Variants in EYA4 observed in about 807,000 individuals in gnomAD.
EYA4 encodes protein phosphatase EYA4.
In EYA4, 31 loss-of-function variants were observed where a neutral mutation model predicts 87.9. The ratio of observed to expected loss-of-function variants is 0.35; its 90% CI spans 0.27 to 0.48. EYA4 has a LOEUF of 0.48. Among genes scored for constraint, EYA4 ranks in the 20% least tolerant of loss-of-function variants. The pLI is 0.99. For synonymous variants in EYA4, 263 were observed against 270.6 expected, an observed-to-expected ratio of 0.97 and a Z score of 0.28; for missense variants, 678 against 761.4, an observed-to-expected ratio of 0.89 and a Z score of 1.29.
At chr6:133,281,197 T>C (rs979271355) in intron 2 of EYA4, among the ~76,000 whole-genome samples, 74 of 109,096 alleles carry the variant, frequency 6.8e-4, no homozygotes, top group African/African-American at 2.4e-3. Flanking sequence ...TTCTGTATTC[T>C]AGATAAAAGT....
rs1392665566 is a variant in EYA4 at position 133,249,985 on chromosome 6, AGTT to A, written c.-66+8240_-66+8242del. On this transcript the variant is annotated intron_variant, in intron 1 of 19. Coordinates refer to ENST00000355286, the MANE Select transcript of EYA4 (RefSeq NM_004100.5). ...ACTGCTGGACATATAGTCAGTAGGT[AGTT>A]GTTATATTCCCATTGAATGAATGAG... is the stretch of plus-strand genomic sequence containing the variant. Among the ~76,000 whole-genome samples, 5 of 152,202 alleles carry A rather than the reference AGTT, an allele frequency of 3.3e-5. No individual in the cohort carries two copies. In the East Asian group the frequency reaches 9.6e-4, roughly 29 times the overall value.
rs2128830057 is a variant in EYA4 at position 133,530,395 on chromosome 6, C to G, written c.*1590C>G. On this transcript the variant is annotated 3_prime_UTR_variant, in exon 20 of 20. Coordinates refer to ENST00000355286, the MANE Select transcript of EYA4 (RefSeq NM_004100.5). ...CACGATACAGGTTCTCCTCTTATTT[C>G]CTATGACACGATTTCCCTTGTGGAA... 1.0e-6 allele frequency: 1 copy of G among 985,390 alleles called. No homozygotes were observed. The highest frequency in any genetic ancestry group is 1.7e-5 in the African/African-American group (1 of 57,354). 61.0% of individuals were successfully genotyped at this position (985,390 alleles called of 1,614,324 possible).
intron 1 of EYA4, among the ~76,000 whole-genome samples, chr6:133,263,261 G>A (rs113656330): frequency 4.6e-5 from 7 of 152,200 alleles, no homozygotes; most frequent in South Asian, 2.1e-4. Context: ...ATTGAAGGCC[G>A]TGAAGATAGC....
intron 3 of EYA4, among the ~76,000 whole-genome samples, chr6:133,400,740 T>C (rs1012177471): frequency 1.3e-5 from 2 of 152,284 alleles, no homozygotes; most frequent in South Asian, 4.1e-4. Flanking sequence ...ACCTTGGAGA[T>C]ATCTTAAATT....
intron 2 of EYA4, among the ~76,000 whole-genome samples, chr6:133,377,475 C>T (rs1205107872): frequency 1.3e-5 from 2 of 151,214 alleles, no homozygotes; most frequent in African/African-American, 4.9e-5. Flanking sequence ...CCTCGGATAT[C>T]TCAGGCATTC....
chr6:133,373,493 T>C (rs972745977), intron 2 of EYA4, among the ~76,000 whole-genome samples: 3 of 152,096 alleles, frequency 2.0e-5, no homozygotes, highest in Admixed American at 6.6e-5. Flanking sequence ...GTTTCTGATA[T>C]GTAATACTGC....
At chr6:133,362,545 G>A (rs748994176) in intron 2 of EYA4, among the ~76,000 whole-genome samples, 16 of 152,132 alleles carry the variant, frequency 1.1e-4, no homozygotes, top group Non-Finnish European at 2.2e-4. Flanking sequence ...AATTGAAACA[G>A]ACTCCTTAAA....
intron 2 of EYA4, among the ~76,000 whole-genome samples, chr6:133,347,919 C>T (rs536424519): frequency 1.3e-5 from 2 of 152,212 alleles, no homozygotes; most frequent in East Asian, 1.9e-4. Context: ...TTTCCTGGCT[C>T]ACATTAGAGA....
At chr6:133,350,951 T>C (rs1783593203) in intron 2 of EYA4, among the ~76,000 whole-genome samples, 1 of 151,796 alleles carries the variant, frequency 6.6e-6, no homozygotes, top group Admixed American at 6.6e-5. Context: ...ATTATCTCTG[T>C]TATTTCTGGG....
intron 3 of EYA4, among the ~76,000 whole-genome samples, chr6:133,439,076 A>AAT (rs1491114528): frequency 7.3e-6 from 1 of 136,298 alleles, no homozygotes; most frequent in East Asian, 2.1e-4. Context: ...AAAAAAAAAA[A>AAT]GTCTTTGGGT....
intron 3 of EYA4, among the ~76,000 whole-genome samples, chr6:133,424,779 G>A (rs1790520646): frequency 6.6e-6 from 1 of 150,818 alleles, no homozygotes; most frequent in African/African-American, 2.5e-5. Flanking sequence ...CCCCTCAAGA[G>A]CACAAGGAGG....
intron 2 of EYA4, among the ~76,000 whole-genome samples, chr6:133,290,713 G>T (rs1487745250): frequency 1.3e-5 from 2 of 152,192 alleles, no homozygotes; most frequent in Non-Finnish European, 2.9e-5. Flanking sequence ...TAGAGATTAT[G>T]CTGTCCAAAT....
At chr6:133,270,985 G>A (rs1776641783) in intron 1 of EYA4, among the ~76,000 whole-genome samples, 1 of 152,178 alleles carries the variant, frequency 6.6e-6, no homozygotes, top group African/African-American at 2.4e-5. Flanking sequence ...CCTGGTGGCA[G>A]TGTTCCTCCC....
At chr6:133,362,814 T>C (rs991480391) in intron 2 of EYA4, among the ~76,000 whole-genome samples, 12 of 152,214 alleles carry the variant, frequency 7.9e-5, no homozygotes, top group Admixed American at 2.0e-4. Context: ...AACTGTTCTC[T>C]CCCTCTCTGC....
intron 7 of EYA4, among the ~76,000 whole-genome samples, chr6:133,461,694 G>A (rs950896215): frequency 4.6e-5 from 7 of 151,794 alleles, no homozygotes; most frequent in African/African-American, 1.5e-4. Context: ...TTTAAATATA[G>A]TATGTTATTT....
At chr6:133,314,950 T>C (rs1003173020) in intron 2 of EYA4, among the ~76,000 whole-genome samples, 2 of 152,260 alleles carry the variant, frequency 1.3e-5, no homozygotes, top group Middle Eastern at 6.8e-3. Context: ...TCATCTAATA[T>C]GGATGTTTAA....
At chr6:133,244,392 T>C (rs1774234121) in intron 1 of EYA4, among the ~76,000 whole-genome samples, 1 of 152,076 alleles carries the variant, frequency 6.6e-6, no homozygotes, top group African/African-American at 2.4e-5. Flanking sequence ...TTTTAAGTAG[T>C]AGGCTTAAGT....
At chr6:133,270,686 C>A (rs1776618113) in intron 1 of EYA4, among the ~76,000 whole-genome samples, 1 of 152,008 alleles carries the variant, frequency 6.6e-6, no homozygotes, top group Admixed American at 6.5e-5. Context: ...GGGATCTGGG[C>A]CATTTCTAGT....
intron 14 of EYA4, chr6:133,510,633 T>C: frequency 4.3e-6 from 1 of 232,512 alleles, no homozygotes; most frequent in Non-Finnish European, 8.6e-6. Flanking sequence ...TGGACTGCAC[T>C]CCTTTCAGCC....
Sources: gnomAD v4.1 joint callset for allele counts (sites outside exome capture counted in the v4.1 genomes callset) on GRCh38, gnomAD v4.1.1 for gene constraint, MANE v1.5 for transcripts, NCBI Gene and HGNC (gene_info 2026-07-23, HGNC 2026-07-21) for gene names.